GRIN2D: variants seen among roughly 807,000 people sequenced by gnomAD.
The protein encoded by GRIN2D is glutamate receptor ionotropic, NMDA 2D.
A neutral mutation model predicts 103.2 loss-of-function variants in GRIN2D; 37 were observed. The observed-to-expected ratio is 0.36, with a 90% CI of 0.28 to 0.47. The LOEUF (loss-of-function observed/expected upper bound fraction) is 0.47, where lower values mean the gene tolerates loss of function less well. Among genes scored for constraint, GRIN2D ranks in the 20% least tolerant of loss-of-function variants. The probability of loss-of-function intolerance (pLI) is 1.00; values close to 1 mark genes in which losing one functional copy is unlikely to be tolerated. For synonymous variants in GRIN2D, 845 were observed against 885.6 expected (o/e 0.95, Z 0.81); for missense variants, 1,557 against 1,910.6 (o/e 0.81, Z 3.45).
rs370949152 is a variant in GRIN2D, at chr19:48,398,930, C to T, written c.465+73C>T. 344 of 1,214,590 alleles carry T rather than the reference C, an allele frequency of 2.8e-4. No individual in the cohort carries two copies. In the African/African-American group the frequency reaches 3.0e-3, roughly 11 times the overall value. The allele number at this position is 1,214,590 out of a possible 1,614,324, so 75.2% of individuals were successfully genotyped here. On this transcript the variant is annotated intron_variant, in intron 3 of 13. Transcript: ENST00000263269. The stretch of plus-strand genomic sequence containing the variant: ...CCGCTGAGGGGCGGGACTGGGACAG[C>T]CAGCGGGGGCGGGGCCTAGAGGGGG...
chr19:48,432,261 T>A (rs1350957033), intron 11 of GRIN2D, among the ~76,000 whole-genome samples: 4 of 151,518 alleles, frequency 2.6e-5, no homozygotes, highest in Non-Finnish European at 5.9e-5. Flanking sequence ...CATTATGTTT[T>A]CCAGGCTGGT....
chr19:48,407,366 C>A (rs1970805560), intron 4 of GRIN2D, among the ~76,000 whole-genome samples: 1 of 152,092 alleles, frequency 6.6e-6, no homozygotes, highest in Admixed American at 6.6e-5. Flanking sequence ...TCAGGCTTGC[C>A]TCTCCCAGAC....
At position 48,443,461 on chromosome 19, in the gene GRIN2D, C is replaced by T; in HGVS notation, c.3535C>T (p.His1179Tyr). 1 of 1,383,176 alleles carries T rather than the reference C, an allele frequency of 7.2e-7. No homozygotes were observed. Among genetic ancestry groups the T allele is most frequent in the South Asian group, 1.6e-5 (1 of 64,028 alleles). The allele number at this position is 1,383,176 out of a possible 1,614,324, so 85.7% of individuals were successfully genotyped here. Residue 1179 changes from histidine to tyrosine, a missense_variant, in exon 14 of 14, where the codon CAC becomes TAC. Transcript: ENST00000263269. This position sits in a 1 kb window ranked among gnomAD's most constrained non-coding sequence, Gnocchi z 8.9. Reference sequence around the variant, plus strand: ...CCCGCGCAGCGGTCCGGCCGCCTGGCACTGTCGGCACTGCGCCAGCCTGGA... The same window carrying T: ...CCCGCGCAGCGGTCCGGCCGCCTGGTACTGTCGGCACTGCGCCAGCCTGGA... ...LPPRSGPAAW[H>Y]CRHCASLELL... is the part of the protein sequence containing the mutation.
Position 48,394,435 on chromosome 19 carries a change from T to C in GRIN2D, c.-305-223T>C, listed in dbSNP as rs912033305. ...TTCAGAGGTGACCCAGACAGACAGA[T>C]AGACACAGACGCTGGAAGGGGGGGT... On this transcript the variant is annotated intron_variant, in intron 1 of 13. Transcript: ENST00000263269. This position sits in a 1 kb window ranked among gnomAD's most constrained non-coding sequence, Gnocchi z 5.1. 8.7e-6 allele frequency among the ~76,000 whole-genome samples: 1 copy of C among 115,058 alleles called. No individual in the cohort carries two copies. 75.5% of individuals were successfully genotyped at this position (115,058 alleles called of 152,430 possible).
chr19:48,401,660 C>A (rs780860767), intron 3 of GRIN2D, among the ~76,000 whole-genome samples: 14 of 152,162 alleles, frequency 9.2e-5, no homozygotes, highest in Non-Finnish European at 1.8e-4. Flanking sequence ...TCACGCAGGG[C>A]CTTGGGGCCA....
chr19:48,397,172 G>A (rs996029573), intron 2 of GRIN2D, among the ~76,000 whole-genome samples: 5 of 151,692 alleles, frequency 3.3e-5, no homozygotes, highest in Admixed American at 1.3e-4. Context: ...CTTGCTTTGA[G>A]AATGAGGGGA....
chr19:48,438,713 C>T (rs1469234147), intron 11 of GRIN2D, among the ~76,000 whole-genome samples: 1 of 152,050 alleles, frequency 6.6e-6, no homozygotes, highest in African/African-American at 2.4e-5. Flanking sequence ...GGATTACAGG[C>T]GTGAGTCACT....
intron 11 of GRIN2D, among the ~76,000 whole-genome samples, chr19:48,431,747 G>C (rs948016254): frequency 6.6e-5 from 10 of 151,908 alleles, no homozygotes; most frequent in African/African-American, 2.4e-4. Context: ...ACCATGCCCA[G>C]CTAATTTCTT....
chr19:48,440,347 C>G (rs185804189), intron 11 of GRIN2D, among the ~76,000 whole-genome samples: 1 of 152,160 alleles, frequency 6.6e-6, no homozygotes, highest in Non-Finnish European at 1.5e-5. Flanking sequence ...AGTCCCAGTA[C>G]TTTGGGTGGC....
At chr19:48,411,129 G>A (rs1970854085) in intron 4 of GRIN2D, among the ~76,000 whole-genome samples, 1 of 151,920 alleles carries the variant, frequency 6.6e-6, no homozygotes, top group Non-Finnish European at 1.5e-5. Flanking sequence ...GATCATCTGA[G>A]CTTGGGACAT....
At chr19:48,426,312 G>A (rs950425341) in intron 11 of GRIN2D, among the ~76,000 whole-genome samples, 10 of 138,750 alleles carry the variant, frequency 7.2e-5, no homozygotes, top group African/African-American at 1.1e-4. Context: ...TGCAATCTCC[G>A]TCTCCTGGGT....
intron 11 of GRIN2D, among the ~76,000 whole-genome samples, chr19:48,435,907 T>C (rs1023054451): frequency 1.3e-5 from 2 of 152,228 alleles, no homozygotes; most frequent in African/African-American, 4.8e-5. Context: ...TATTCTATAG[T>C]GCATTCCAAG....
intron 11 of GRIN2D, among the ~76,000 whole-genome samples, chr19:48,429,288 T>C (rs1643491): frequency 0.95 from 144,841 of 152,216 alleles, 69,189 homozygotes; most frequent in African/African-American, 0.99. Flanking sequence ...TGCAGTGGCA[T>C]AGTCACAGCT....
At chr19:48,415,917 C>T (rs1970941445) in intron 7 of GRIN2D, 85 bp from the exon 8 acceptor site, 2 of 1,264,208 alleles carry the variant, frequency 1.6e-6, no homozygotes, top group Non-Finnish European at 2.3e-6. Context: ...GGTCTGCTCC[C>T]GGGGCCCGTC....
At position 48,421,964 on chromosome 19, in the gene GRIN2D, C is replaced by T. The variant is rs773549391; in HGVS notation, c.2252+19C>T. 2.4e-5 allele frequency: 38 copies of T among 1,609,814 alleles called. No homozygotes were observed. Among genetic ancestry groups the T allele is most frequent in the Non-Finnish European group, 3.1e-5 (37 of 1,177,604 alleles). On this transcript the variant is annotated intron_variant, in intron 11 of 13. Transcript: ENST00000263269. This position sits in a 1 kb window ranked among gnomAD's most constrained non-coding sequence, Gnocchi z 4.8. ...AGGCAGGGTCAGCGCAGACTCGGGC[C>T]GGGGGTGGGGGTTGGGCCGCTGGGG... is the stretch of plus-strand genomic sequence containing the variant.
Position 48,443,146 on chromosome 19 carries a change from C to T in GRIN2D, c.3220C>T (p.Pro1074Ser). 1 of 994,508 alleles carries T rather than the reference C, an allele frequency of 1.0e-6. No homozygotes were observed. Among genetic ancestry groups the T allele is most frequent in the Middle Eastern group, 5.1e-4 (1 of 1,968 alleles). 61.6% of individuals were successfully genotyped at this position (994,508 alleles called of 1,614,324 possible). A position where few individuals can be genotyped will look rare whatever the true frequency, so the allele number is the denominator to read the frequency against. Residue 1074 changes from proline to serine, a missense_variant, in exon 14 of 14, where the codon CCA becomes TCA. Coordinates refer to ENST00000263269, the MANE Select transcript of GRIN2D (RefSeq NM_000836.4). This position sits in a 1 kb window ranked among gnomAD's most constrained non-coding sequence, Gnocchi z 8.9. ...CCCCGAGAGCCAACCCCTGCTGGGG[C>T]CAGGCGCGGGCGGCGCGGGGGGCAC... ...SDPESQPLLGPGAGGAGGTGG... is the reference protein window; with the variant it reads ...SDPESQPLLGSGAGGAGGTGG...
chr19:48,394,362 C>T lies in GRIN2D; in HGVS notation c.-305-296C>T, dbSNP rs906601842. Among the ~76,000 whole-genome samples the T allele has an allele frequency of 1.3e-5, 2 of 150,664 alleles. No homozygotes were observed. The highest frequency in any genetic ancestry group is 6.6e-5 in the Admixed American group (1 of 15,122). On this transcript the variant is annotated intron_variant, in intron 1 of 13. Transcript: ENST00000263269. The surrounding 1 kb of genome is among the most constrained non-coding windows in gnomAD (Gnocchi z 5.1). ...AAGCGAGGAAGGGGCAAGCAGTTCC[C>T]CAAGCAGGCAATCTCCCGCTCCTCA...
intron 11 of GRIN2D, among the ~76,000 whole-genome samples, chr19:48,431,071 G>A (rs560259204): frequency 1.7e-4 from 26 of 152,090 alleles, no homozygotes; most frequent in African/African-American, 6.3e-4. Flanking sequence ...TGTTCACCTC[G>A]GCCTCCCAAG....
At position 48,414,829 on chromosome 19, in the gene GRIN2D, TC is replaced by T. The variant is rs1600978718; in HGVS notation, c.1413-31del. ...TTCATGAGAGAGTCTAAGGAGGGGGTCCCCAAACTCCCCAAGCCTGGTCACT... is the reference window on the plus strand; with the variant it reads ...TTCATGAGAGAGTCTAAGGAGGGGGTCCCAAACTCCCCAAGCCTGGTCACT... On this transcript the variant is annotated intron_variant, in intron 6 of 13. Transcript: ENST00000263269. This position sits in a 1 kb window ranked among gnomAD's most constrained non-coding sequence, Gnocchi z 4.6. The T allele has an allele frequency of 1.2e-6, 2 of 1,606,940 alleles. No individual in the cohort carries two copies. The highest frequency in any genetic ancestry group is 4.5e-5 in the East Asian group (2 of 44,814).
Sources: allele counts gnomAD v4.1 joint callset (sites outside exome capture counted in the v4.1 genomes callset), GRCh38; gene constraint gnomAD v4.1.1; non-coding constraint Gnocchi (gnomAD v3.1); transcripts MANE v1.5; gene names NCBI Gene and HGNC (gene_info 2026-07-23, HGNC 2026-07-21).